HS3ST4: variants seen among roughly 807,000 people sequenced by gnomAD.
HS3ST4 encodes the protein heparan sulfate glucosamine 3-O-sulfotransferase 4.
Under a neutral mutation model 29.2 loss-of-function variants are expected in HS3ST4, and 17 were observed. That is an observed-to-expected ratio of 0.58 (90% CI 0.40 to 0.87). HS3ST4 has a LOEUF of 0.87. Ranked by LOEUF, HS3ST4 falls within the 40% of genes least tolerant of loss-of-function variation. The pLI, the probability that HS3ST4 is intolerant of heterozygous loss-of-function variation, is 0.00. For synonymous variants in HS3ST4, 314 were observed against 285.7 expected, an observed-to-expected ratio of 1.10 and a Z score of -1.00; for missense variants, 627 against 634.5, an observed-to-expected ratio of 0.99 and a Z score of 0.13.
intron 1 of HS3ST4, among the ~76,000 whole-genome samples, chr16:26,121,994 G>A (rs151311004): frequency 1.3e-5 from 2 of 152,110 alleles, no homozygotes; most frequent in African/African-American, 4.8e-5. Flanking sequence ...GAAGTGAGAC[G>A]TTGCAATCAC....
intron 1 of HS3ST4, among the ~76,000 whole-genome samples, chr16:26,059,787 A>T (rs976893598): frequency 1.3e-5 from 2 of 151,478 alleles, no homozygotes; most frequent in African/African-American, 2.4e-5. Flanking sequence ...TTTTATTTTT[A>T]TTTTTTTTGA....
chr16:26,084,268 C>T (rs1406501268), intron 1 of HS3ST4, among the ~76,000 whole-genome samples: 2 of 152,332 alleles, frequency 1.3e-5, no homozygotes, highest in South Asian at 4.1e-4. Flanking sequence ...TGTTTAATCC[C>T]TCCCTGATGT....
chr16:25,781,862 T>C (rs1373695888), intron 1 of HS3ST4, among the ~76,000 whole-genome samples: 1 of 152,210 alleles, frequency 6.6e-6, no homozygotes, highest in Non-Finnish European at 1.5e-5. Flanking sequence ...TCTAGTCATC[T>C]TCATTGAGTG....
intron 1 of HS3ST4, among the ~76,000 whole-genome samples, chr16:25,969,733 C>G (rs1180146602): frequency 6.6e-6 from 1 of 152,164 alleles, no homozygotes; most frequent in Non-Finnish European, 1.5e-5. Context: ...GTTTTGTGCC[C>G]CTTTTCCTGT....
At chr16:25,715,059 A>G (rs190801776) in intron 1 of HS3ST4, among the ~76,000 whole-genome samples, 40 of 151,816 alleles carry the variant, frequency 2.6e-4, no homozygotes, top group African/African-American at 9.2e-4. Context: ...GCGGTGGCTC[A>G]CGCCTGTAAT....
intron 1 of HS3ST4, among the ~76,000 whole-genome samples, chr16:26,052,109 C>T (rs903294026): frequency 1.3e-5 from 2 of 152,094 alleles, no homozygotes; most frequent in Non-Finnish European, 2.9e-5. Flanking sequence ...ATAAGATCCC[C>T]ATTCCAGAGA....
chr16:25,862,524 T>C (rs1967648633), intron 1 of HS3ST4, among the ~76,000 whole-genome samples: 1 of 152,170 alleles, frequency 6.6e-6, no homozygotes, highest in African/African-American at 2.4e-5. Flanking sequence ...GATGCTGATA[T>C]GACAGGAGAC....
At chr16:26,027,835 G>C (rs544350384) in intron 1 of HS3ST4, among the ~76,000 whole-genome samples, 6 of 152,280 alleles carry the variant, frequency 3.9e-5, no homozygotes, top group African/African-American at 1.4e-4. Context: ...GTGATACAAG[G>C]GGGTGGGCCT....
At chr16:25,706,117 T>A (rs746602270) in intron 1 of HS3ST4, among the ~76,000 whole-genome samples, 3 of 152,194 alleles carry the variant, frequency 2.0e-5, no homozygotes, top group Non-Finnish European at 4.4e-5. Flanking sequence ...TCCTGGACAA[T>A]CTCAGACTGT....
At chr16:26,099,355 T>C (rs1003656945) in intron 1 of HS3ST4, among the ~76,000 whole-genome samples, 1 of 152,178 alleles carries the variant, frequency 6.6e-6, no homozygotes, top group African/African-American at 2.4e-5. Context: ...GGAGCCTCGC[T>C]ATATGGCCCA....
At position 25,795,117 on chromosome 16, in the gene HS3ST4, G is replaced by A. The variant is rs369661768; in HGVS notation, c.734+101966G>A. On this transcript the variant is annotated intron_variant, in intron 1 of 1. Coordinates refer to ENST00000331351, the MANE Select transcript of HS3ST4 (RefSeq NM_006040.3). ...CTTCCGAGTAGCTGGGATTACAGGC[G>A]CCTGCCACCACACCCGGCTAATTTT... Among the ~76,000 whole-genome samples, 52 of 151,616 alleles carry A rather than the reference G, an allele frequency of 3.4e-4. No homozygotes were observed. The East Asian group carries it at 7.7e-3, about 23-fold the overall frequency.
intron 1 of HS3ST4, among the ~76,000 whole-genome samples, chr16:26,120,077 G>GTGTA (rs1555485147): frequency 0.24 from 32,555 of 133,388 alleles, 3,522 homozygotes; most frequent in South Asian, 0.36. Flanking sequence ...GTGTATGTGT[G>GTGTA]TGTGTGTGTG....
chr16:25,893,408 C>A (rs1433118502), intron 1 of HS3ST4, among the ~76,000 whole-genome samples: 1 of 152,206 alleles, frequency 6.6e-6, no homozygotes, highest in East Asian at 1.9e-4. Context: ...TGGACAAAGT[C>A]CCAGGAAGGG....
chr16:25,906,680 G>C (rs1031281516), intron 1 of HS3ST4, among the ~76,000 whole-genome samples: 1 of 152,184 alleles, frequency 6.6e-6, no homozygotes, highest in Admixed American at 6.5e-5. Context: ...AAATAGGACA[G>C]ACAGAACACA....
chr16:25,954,148 C>G (rs1172528106), intron 1 of HS3ST4, among the ~76,000 whole-genome samples: 1 of 152,204 alleles, frequency 6.6e-6, no homozygotes, highest in Admixed American at 6.5e-5. Flanking sequence ...TTGCTCCTTG[C>G]TGACTGTGAG....
chr16:25,907,393 T>C (rs993612331), intron 1 of HS3ST4, among the ~76,000 whole-genome samples: 1 of 152,076 alleles, frequency 6.6e-6, no homozygotes, highest in Non-Finnish European at 1.5e-5. Context: ...ATCTAGGTGT[T>C]GGACGTGTTA....
intron 1 of HS3ST4, among the ~76,000 whole-genome samples, chr16:25,839,960 A>G (rs1487016708): frequency 1.3e-5 from 2 of 152,210 alleles, no homozygotes; most frequent in Admixed American, 6.5e-5. Context: ...AGAAGAAACC[A>G]TATGTGGAAT....
At chr16:26,113,478 G>T (rs1007391974) in intron 1 of HS3ST4, among the ~76,000 whole-genome samples, 4 of 149,470 alleles carry the variant, frequency 2.7e-5, no homozygotes, top group Middle Eastern at 3.4e-3. Context: ...TGATGTGTGT[G>T]TGTGTGTGTG....
Position 25,693,059 on chromosome 16 carries a change from G to A in HS3ST4, c.642G>A (p.Leu214=). The A allele has an allele frequency of 6.2e-7, 1 of 1,609,438 alleles. No individual in the cohort carries two copies. Among genetic ancestry groups the A allele is most frequent in the Non-Finnish European group, 8.5e-7 (1 of 1,178,308 alleles). The change falls in exon 1 of 2, where the codon CTG becomes CTA. Residue 214 remains leucine, a synonymous_variant. Coordinates refer to ENST00000331351, the MANE Select transcript of HS3ST4 (RefSeq NM_006040.3). The part of the protein sequence containing the change: ...GVKKGGTRAL[L]EAIRVHPDVR... Reference sequence around the variant, plus strand: ...AGAAAGGAGGGACCCGCGCGCTGCTGGAGGCGATCCGCGTGCACCCGGACG... The same window carrying A: ...AGAAAGGAGGGACCCGCGCGCTGCTAGAGGCGATCCGCGTGCACCCGGACG...
Sources: gnomAD v4.1 joint callset for allele counts (sites outside exome capture counted in the v4.1 genomes callset) on GRCh38, gnomAD v4.1.1 for gene constraint, MANE v1.5 for transcripts, NCBI Gene and HGNC (gene_info 2026-07-23, HGNC 2026-07-21) for gene names.